The following LTBP1 variants were observed in gnomAD, a reference collection of about 807,000 sequenced individuals.
The protein encoded by LTBP1 is latent transforming growth factor beta binding protein 1.
In LTBP1, 129 loss-of-function variants were observed where a neutral mutation model predicts 207.6. The ratio of observed to expected loss-of-function variants is 0.62; its 90% CI spans 0.54 to 0.72. The LOEUF (loss-of-function observed/expected upper bound fraction) is 0.72, where lower values mean the gene tolerates loss of function less well. Ranked by LOEUF, LTBP1 falls within the 30% of genes least tolerant of loss-of-function variation. LTBP1 has a pLI of 0.00. For missense variants in LTBP1, 2,281 were observed against 2,217.2 expected (o/e 1.03, Z -0.58); for synonymous variants, 963 against 833.7 (o/e 1.16, Z -2.67).
At chr2:33,076,997 G>A (rs1392347779) in intron 3 of LTBP1, among the ~76,000 whole-genome samples, 1 of 152,106 alleles carries the variant, frequency 6.6e-6, no homozygotes, top group Non-Finnish European at 1.5e-5. Context: ...ATGAATTTTC[G>A]TCTCTCCTCC....
intron 2 of LTBP1, among the ~76,000 whole-genome samples, chr2:33,005,273 C>T (rs1686667959): frequency 6.6e-6 from 1 of 152,142 alleles, no homozygotes; most frequent in African/African-American, 2.4e-5. Context: ...CATGTATCAG[C>T]GTGGACGGCT....
intron 33 of LTBP1, 61 bp downstream of exon 33, chr2:33,397,343 A>G: frequency 6.4e-7 from 1 of 1,572,224 alleles, no homozygotes; most frequent in Non-Finnish European, 8.7e-7. Flanking sequence ...TATCTCAGTC[A>G]GTAGAGAACA....
intron 3 of LTBP1, among the ~76,000 whole-genome samples, chr2:33,073,924 T>C (rs1232167208): frequency 6.6e-6 from 1 of 152,132 alleles, no homozygotes; most frequent in Admixed American, 6.5e-5. Context: ...ACTGTGAGTT[T>C]CCCATTTTTG....
chr2:33,150,710 CTTTTTTTTTTT>C (rs1176008947), intron 5 of LTBP1, among the ~76,000 whole-genome samples: 24 of 69,298 alleles, frequency 3.5e-4, no homozygotes, highest in East Asian at 2.2e-3. Flanking sequence ...TTTTCTTTTT[CTTTTTTTTTTT>C]TTTTTTTTTT....
chr2:33,288,456 A>G (rs1006683898), intron 19 of LTBP1, among the ~76,000 whole-genome samples: 2 of 152,226 alleles, frequency 1.3e-5, no homozygotes, highest in East Asian at 1.9e-4. Context: ...ACAATGAGCC[A>G]GGTGGGATTA....
intron 8 of LTBP1, 71 bp downstream of exon 8, chr2:33,217,725 G>T (rs2090819049): frequency 1.9e-6 from 2 of 1,034,782 alleles, no homozygotes; most frequent in Non-Finnish European, 3.0e-6. Context: ...CTCCTTTAAT[G>T]ATGAGGCAAT....
At chr2:33,387,330 AC>A (rs1231060573) in intron 31 of LTBP1, among the ~76,000 whole-genome samples, 1 of 152,214 alleles carries the variant, frequency 6.6e-6, no homozygotes, top group Non-Finnish European at 1.5e-5. Context: ...GCGTTTTCAA[AC>A]TTTAAGCAGA....
intron 31 of LTBP1, among the ~76,000 whole-genome samples, chr2:33,381,187 C>T (rs1237248044): frequency 6.6e-6 from 1 of 152,056 alleles, no homozygotes; most frequent in Middle Eastern, 3.2e-3. Context: ...TTTCCTATGC[C>T]CCAGATACAT....
At chr2:33,389,445 T>A in intron 32 of LTBP1, 139 bp downstream of exon 32, 3 of 1,164,612 alleles carry the variant, frequency 2.6e-6, no homozygotes, top group Non-Finnish European at 3.6e-6. Context: ...AAGTCTAGGG[T>A]GGGACCCAGC....
At chr2:33,234,822 T>C (rs921680343) in intron 9 of LTBP1, among the ~76,000 whole-genome samples, 2 of 152,026 alleles carry the variant, frequency 1.3e-5, no homozygotes, top group South Asian at 4.1e-4. Context: ...CTTCAAACTG[T>C]ACTACAAGGC....
intron 22 of LTBP1, among the ~76,000 whole-genome samples, chr2:33,302,722 T>C (rs1467195408): frequency 6.6e-6 from 1 of 150,856 alleles, no homozygotes; most frequent in Admixed American, 6.6e-5. Context: ...CCTAAGGTGA[T>C]CATGTTCCTC....
At chr2:33,377,938 G>A (rs1558323292) in intron 31 of LTBP1, among the ~76,000 whole-genome samples, 1 of 152,098 alleles carries the variant, frequency 6.6e-6, no homozygotes, top group Non-Finnish European at 1.5e-5. Context: ...GGGGGAAACT[G>A]CCCCATGATC....
At chr2:33,013,525 C>G (rs1687950925) in intron 2 of LTBP1, among the ~76,000 whole-genome samples, 1 of 151,100 alleles carries the variant, frequency 6.6e-6, no homozygotes, top group Admixed American at 6.6e-5. Context: ...ATGTTAAATG[C>G]TTATATACAC....
intron 3 of LTBP1, among the ~76,000 whole-genome samples, chr2:33,108,447 G>A (rs1412305979): frequency 1.3e-5 from 2 of 152,116 alleles, no homozygotes; most frequent in Admixed American, 6.5e-5. Context: ...ACCTAGTACA[G>A]CTTGGTTTTA....
At chr2:33,142,353 C>T (rs902595980) in intron 5 of LTBP1, among the ~76,000 whole-genome samples, 10 of 152,080 alleles carry the variant, frequency 6.6e-5, no homozygotes, top group Non-Finnish European at 1.0e-4. Flanking sequence ...CCTTGCCGCA[C>T]GGCCCTTTCT....
chr2:33,061,681 A>G (rs2077278133), intron 3 of LTBP1, among the ~76,000 whole-genome samples: 1 of 152,196 alleles, frequency 6.6e-6, no homozygotes. Context: ...TTGTATAAAT[A>G]TATGGCAATT....
At chr2:33,135,987 G>C (rs1316667617) in intron 5 of LTBP1, among the ~76,000 whole-genome samples, 1 of 152,140 alleles carries the variant, frequency 6.6e-6, no homozygotes, top group Non-Finnish European at 1.5e-5. Context: ...GTAGGAGAAG[G>C]GGTGTCTGTG....
At chr2:33,320,068 G>A (rs1034224738) in intron 24 of LTBP1, among the ~76,000 whole-genome samples, 1 of 152,134 alleles carries the variant, frequency 6.6e-6, no homozygotes, top group Admixed American at 6.6e-5. Context: ...TAACTAAGAT[G>A]TTAGAAAGTG....
chr2:33,285,345 A>G (rs941022962), intron 19 of LTBP1, among the ~76,000 whole-genome samples: 4 of 151,348 alleles, frequency 2.6e-5, no homozygotes, highest in Admixed American at 2.6e-4. Flanking sequence ...CCCGGGTCAC[A>G]TTCTTCTATA....
Sources: gnomAD v4.1 joint callset for allele counts (sites outside exome capture counted in the v4.1 genomes callset) on GRCh38, gnomAD v4.1.1 for gene constraint, MANE v1.5 for transcripts, NCBI Gene and HGNC (gene_info 2026-07-23, HGNC 2026-07-21) for gene names.